Variants in KPNA1 observed in about 807,000 individuals in gnomAD.
KPNA1 encodes the protein karyopherin subunit alpha 1, also known as importin subunit alpha-5.
In KPNA1, 10 loss-of-function variants were observed where a neutral mutation model predicts 70.5. The ratio of observed to expected loss-of-function variants is 0.14; its 90% CI spans 0.09 to 0.24. The LOEUF (loss-of-function observed/expected upper bound fraction) is 0.24, where lower values mean the gene tolerates loss of function less well. KPNA1 is among the 10% of genes least tolerant of loss of function. The pLI is 1.00. For synonymous variants in KPNA1, 192 were observed against 221.9 expected (o/e 0.87, Z 1.20); for missense variants, 397 against 637.9 (o/e 0.62, Z 4.07).
rs2075791781 is a variant in KPNA1 at position 122,424,179 on chromosome 3, A to G, written c.*2806T>C. 1 of 152,212 alleles carries G rather than the reference A, an allele frequency of 6.6e-6. No homozygotes were observed. The highest frequency in any genetic ancestry group is 1.5e-5 in the Non-Finnish European group (1 of 68,022). 9.4% of individuals were successfully genotyped at this position (152,212 alleles called of 1,614,324 possible). ...GGAGGATGGAGGGGAATAAAAAGGA[A>G]AAGTAAAACAAAGTCACTTTCCCCA... is the stretch of plus-strand genomic sequence containing the variant. On this transcript the variant is annotated 3_prime_UTR_variant, in exon 14 of 14. Coordinates refer to ENST00000344337, the MANE Select transcript of KPNA1 (RefSeq NM_002264.4).
intron 13 of KPNA1, 26 bp downstream of exon 13, chr3:122,427,512 A>G: frequency 1.9e-6 from 3 of 1,599,464 alleles, no homozygotes; most frequent in South Asian, 1.1e-5. Flanking sequence ...TCTTGGCCAT[A>G]AACTTCTTCA....
intron 1 of KPNA1, among the ~76,000 whole-genome samples, chr3:122,504,312 T>C (rs1238409159): frequency 2.6e-5 from 4 of 152,146 alleles, no homozygotes; most frequent in South Asian, 2.1e-4. Flanking sequence ...TTTTTTTCAC[T>C]GTGTATTCAC....
At chr3:122,490,958 T>G (rs1007672453) in intron 2 of KPNA1, among the ~76,000 whole-genome samples, 4 of 152,314 alleles carry the variant, frequency 2.6e-5, no homozygotes, top group African/African-American at 9.6e-5. Flanking sequence ...ACTACCAATT[T>G]TATATGATTA....
intron 4 of KPNA1, among the ~76,000 whole-genome samples, chr3:122,462,797 C>CTA (rs2076338767): frequency 6.6e-6 from 1 of 152,106 alleles, no homozygotes; most frequent in South Asian, 2.1e-4. Flanking sequence ...ACTAATGACT[C>CTA]TAAACAACCA....
intron 4 of KPNA1, among the ~76,000 whole-genome samples, chr3:122,462,229 A>C (rs531423350): frequency 2.0e-3 from 303 of 152,308 alleles, no homozygotes; most frequent in Admixed American, 2.3e-3. Context: ...ACAACAACAA[A>C]AAAAAACAGA....
intron 2 of KPNA1, among the ~76,000 whole-genome samples, chr3:122,472,097 T>C (rs918489463): frequency 1.3e-5 from 2 of 152,264 alleles, no homozygotes; most frequent in South Asian, 2.1e-4. Flanking sequence ...CTGGATATAA[T>C]GAACATTCAC....
At chr3:122,500,173 G>A (rs1158338847) in intron 1 of KPNA1, among the ~76,000 whole-genome samples, 2 of 152,130 alleles carry the variant, frequency 1.3e-5, no homozygotes, top group Admixed American at 6.5e-5. Context: ...CCAGGCTGGA[G>A]TGCAGTGGCG....
chr3:122,427,352 G>GA, intron 13 of KPNA1, 180 bp from the exon 14 acceptor site: 1 of 732,606 alleles, frequency 1.4e-6, no homozygotes, highest in Non-Finnish European at 2.2e-6. Context: ...GATTACATCT[G>GA]AAAGCTAGTA....
intron 9 of KPNA1, among the ~76,000 whole-genome samples, chr3:122,442,447 G>A (rs191579043): frequency 6.6e-6 from 1 of 152,088 alleles, no homozygotes; most frequent in Admixed American, 6.6e-5. Flanking sequence ...TGGTTGCTGA[G>A]ATAATTGAGA....
At chr3:122,438,651 G>A (rs946713966) in intron 10 of KPNA1, among the ~76,000 whole-genome samples, 3 of 152,128 alleles carry the variant, frequency 2.0e-5, no homozygotes, top group African/African-American at 4.8e-5. Context: ...CTCCCAAAGT[G>A]CTGGGATTAC....
chr3:122,460,346 T>C (rs1029681451), intron 5 of KPNA1: 11 of 984,354 alleles, frequency 1.1e-5, no homozygotes, highest in African/African-American at 8.7e-5. Flanking sequence ...ATGAAAATTA[T>C]TGAATACTTG....
At chr3:122,427,216 A>T (rs756423256) in intron 13 of KPNA1, 44 bp from the exon 14 acceptor site, 1 of 1,378,862 alleles carries the variant, frequency 7.3e-7, no homozygotes, top group Non-Finnish European at 1.0e-6. Flanking sequence ...AAACTTCAAT[A>T]AATATTGGAA....
intron 10 of KPNA1, among the ~76,000 whole-genome samples, chr3:122,437,932 TATA>T (rs1185920639): frequency 6.6e-6 from 1 of 152,254 alleles, no homozygotes; most frequent in Non-Finnish European, 1.5e-5. Flanking sequence ...TTATAAAGTT[TATA>T]ATAAGTTAAT....
chr3:122,484,624 C>CA (rs2076608329), intron 2 of KPNA1, among the ~76,000 whole-genome samples: 1 of 150,300 alleles, frequency 6.7e-6, no homozygotes, highest in African/African-American at 2.5e-5. Context: ...GCCTGGGAGA[C>CA]AGAGTGAGAC....
At chr3:122,462,987 C>CAG in intron 4 of KPNA1, among the ~76,000 whole-genome samples, 1 of 152,208 alleles carries the variant, frequency 6.6e-6, no homozygotes, top group South Asian at 2.1e-4. Context: ...TTTTGGGAGG[C>CAG]AGAGGCAGAC....
chr3:122,511,517 A>C (rs115940163), intron 1 of KPNA1, among the ~76,000 whole-genome samples: 1 of 152,180 alleles, frequency 6.6e-6, no homozygotes, highest in Non-Finnish European at 1.5e-5. Flanking sequence ...AAAAAGAAAG[A>C]AAGAAACATA....
At chr3:122,472,765 G>A (rs2076456589) in intron 2 of KPNA1, among the ~76,000 whole-genome samples, 1 of 152,112 alleles carries the variant, frequency 6.6e-6, no homozygotes, top group Non-Finnish European at 1.5e-5. Flanking sequence ...CAAATCTCAT[G>A]AACATTAAAA....
intron 1 of KPNA1, among the ~76,000 whole-genome samples, chr3:122,508,235 A>C (rs1358425600): frequency 3.9e-5 from 6 of 152,208 alleles, no homozygotes; most frequent in African/African-American, 1.4e-4. Flanking sequence ...AAATAGACAA[A>C]TTATATGTCA....
intron 1 of KPNA1, among the ~76,000 whole-genome samples, chr3:122,497,847 A>T (rs947894215): frequency 6.6e-6 from 1 of 152,152 alleles, no homozygotes; most frequent in East Asian, 1.9e-4. Context: ...TTTCAAATAT[A>T]ATCTATAGAC....
Sources: allele counts gnomAD v4.1 joint callset (sites outside exome capture counted in the v4.1 genomes callset), GRCh38; gene constraint gnomAD v4.1.1; transcripts MANE v1.5; gene names NCBI Gene and HGNC (gene_info 2026-07-23, HGNC 2026-07-21).